The following TGM7 variants were observed in gnomAD, a reference collection of about 807,000 sequenced individuals.
The protein encoded by TGM7 is transglutaminase 7, also known as protein-glutamine gamma-glutamyltransferase Z.
In TGM7, 74 loss-of-function variants were observed where a neutral mutation model predicts 79.5. The observed-to-expected ratio is 0.93, with a 90% CI of 0.77 to 1.13. The LOEUF (loss-of-function observed/expected upper bound fraction) is 1.13. Ranked by LOEUF, TGM7 falls within the 50% of genes most tolerant of loss-of-function variation. The pLI, the probability that TGM7 is intolerant of heterozygous loss-of-function variation, is 0.00. For synonymous variants in TGM7, 354 were observed against 362.5 expected, an observed-to-expected ratio of 0.98 and a Z score of 0.27; for missense variants, 912 against 905.9, an observed-to-expected ratio of 1.01 and a Z score of -0.09.
rs143155861 is a variant in TGM7, at chr15:43,279,739, G to A, written c.1564C>T (p.Arg522Trp). ...CGCACCACCAGTCCGATGGGCCCCCGAGGGTGGGTGCTGTCTGGCACCCTC... is the reference window on the plus strand; with the variant it reads ...CGCACCACCAGTCCGATGGGCCCCCAAGGGTGGGTGCTGTCTGGCACCCTC... ...IQRVPDSTHP[R>W]GPIGLVVRFC... The change falls in exon 10 of 13, where the codon CGG becomes TGG. Residue 522 changes from arginine to tryptophan, a missense_variant. By Grantham distance (101) the Arg-to-Trp change is moderately radical. Coordinates refer to ENST00000452443, the MANE Select transcript of TGM7 (RefSeq NM_052955.3). The A allele has an allele frequency of 8.5e-5, 137 of 1,614,028 alleles. No homozygotes were observed. In the African/African-American group the frequency reaches 1.6e-3, roughly 19 times the overall value.
chr15:43,299,722 C>T (rs949505530), intron 1 of TGM7, among the ~76,000 whole-genome samples: 1 of 152,208 alleles, frequency 6.6e-6, no homozygotes, highest in Non-Finnish European at 1.5e-5. Context: ...AGCTTCTTTT[C>T]TCTTTCCATT....
chr15:43,280,449 C>T (rs1304443093), intron 9 of TGM7, among the ~76,000 whole-genome samples: 1 of 152,160 alleles, frequency 6.6e-6, no homozygotes, highest in African/African-American at 2.4e-5. Flanking sequence ...CATAGTGAAA[C>T]CTCGTCTCTA....
chr15:43,284,304 A>G (rs1302438695), intron 7 of TGM7, among the ~76,000 whole-genome samples: 2 of 151,842 alleles, frequency 1.3e-5, no homozygotes, highest in Non-Finnish European at 2.9e-5. Flanking sequence ...GAACCAGGAA[A>G]AGAAGCCAGA....
chr15:43,282,727 A>G (rs1323670067), intron 7 of TGM7, 107 bp from the exon 8 acceptor site: 5 of 904,206 alleles, frequency 5.5e-6, no homozygotes, highest in African/African-American at 3.3e-5. Flanking sequence ...CTTACTTTTT[A>G]TTAGGAAGTA....
intron 3 of TGM7, among the ~76,000 whole-genome samples, chr15:43,292,309 TC>T (rs2142415739): frequency 6.6e-6 from 1 of 152,294 alleles, no homozygotes; most frequent in South Asian, 2.1e-4. Flanking sequence ...AAACCAACGA[TC>T]TTTTCTTGAT....
intron 1 of TGM7, among the ~76,000 whole-genome samples, chr15:43,300,448 G>A (rs1317162190): frequency 6.6e-6 from 1 of 152,208 alleles, no homozygotes; most frequent in African/African-American, 2.4e-5. Context: ...GGTGGTACTG[G>A]TCTGAAGATT....
At position 43,292,891 on chromosome 15, in the gene TGM7, C is replaced by T. The variant is rs1478263195; in HGVS notation, c.257G>A (p.Gly86Glu). 7 of 1,613,772 alleles carry T rather than the reference C, an allele frequency of 4.3e-6. No homozygotes were observed. The African/African-American group carries it at 8.0e-5, about 18-fold the overall frequency. The change falls in exon 3 of 13, where the codon GGG becomes GAG. Residue 86 changes from glycine (G) to glutamate (E), a missense_variant. Physicochemically the swap from Gly to Glu is moderately conservative, Grantham distance 98. Coordinates refer to ENST00000452443, the MANE Select transcript of TGM7 (RefSeq NM_052955.3). Reference protein sequence around the residue: ...ATFFLTRVQPGNVWSASDFTI... With the variant: ...ATFFLTRVQPENVWSASDFTI... ...GAAATCAGAAGCGCTCCAGACATTCCCGGGCTGGACCCGGGTGAGGAAGAA... is the reference window on the plus strand; with the variant it reads ...GAAATCAGAAGCGCTCCAGACATTCTCGGGCTGGACCCGGGTGAGGAAGAA...
chr15:43,282,585 C>T lies in TGM7; in HGVS notation c.1040G>A (p.Arg347Gln), dbSNP rs745585510. The T allele has an allele frequency of 2.7e-5, 44 of 1,601,896 alleles. No homozygotes were observed. The highest frequency in any genetic ancestry group is 4.5e-5 in the South Asian group (4 of 88,834). ...GTTGTATCCTGGTGGGAGATCTTTC[C>T]GGATCATCCAGCACTCATTCCAGAC... is the stretch of plus-strand genomic sequence containing the variant. ...FHVWNECWMIRKDLPPGYNGW... is the reference protein window; with the variant it reads ...FHVWNECWMIQKDLPPGYNGW... Residue 347 changes from arginine (R) to glutamine (Q), a missense_variant, in exon 8 of 13, where the codon CGG becomes CAG. By Grantham distance (43) the Arg-to-Gln change is conservative. Transcript: ENST00000452443.
At chr15:43,296,988 C>T (rs937451648) in intron 1 of TGM7, among the ~76,000 whole-genome samples, 27 of 152,262 alleles carry the variant, frequency 1.8e-4, no homozygotes, top group African/African-American at 6.5e-4. Context: ...TTAGTAAAAA[C>T]ATGTCAGCAC....
chr15:43,298,978 G>T (rs773816360), intron 1 of TGM7, among the ~76,000 whole-genome samples: 14 of 151,258 alleles, frequency 9.3e-5, no homozygotes, highest in Middle Eastern at 3.4e-3. Flanking sequence ...AACAAAGAGG[G>T]CACCAATAGC....
At position 43,287,359 on chromosome 15, in the gene TGM7, G is replaced by A. The variant is rs142511632; in HGVS notation, c.786C>T (p.Ile262=). The A allele has an allele frequency of 6.2e-7, 1 of 1,614,208 alleles. No individual in the cohort carries two copies. Among genetic ancestry groups the A allele is most frequent in the Non-Finnish European group, 8.5e-7 (1 of 1,180,028 alleles). ...SPLEWKGSVA[I]LQQWSARGGQ... ...CGCCCCTGGCTGACCACTGCTGTAG[G>A]ATGGCCACACTGCCCTTCCACTCCA... The change falls in exon 6 of 13, where the codon ATC becomes ATT. Residue 262 remains isoleucine, a synonymous_variant. Coordinates refer to ENST00000452443, the MANE Select transcript of TGM7 (RefSeq NM_052955.3).
At chr15:43,300,814 T>A (rs944536334) in intron 1 of TGM7, among the ~76,000 whole-genome samples, 6 of 152,066 alleles carry the variant, frequency 3.9e-5, no homozygotes, top group African/African-American at 1.2e-4. Context: ...CAAAAATATA[T>A]GTGTATATAT....
At chr15:43,285,217 G>T (rs1341592722) in intron 6 of TGM7, among the ~76,000 whole-genome samples, 1 of 152,194 alleles carries the variant, frequency 6.6e-6, no homozygotes, top group African/African-American at 2.4e-5. Context: ...TCATTTAGGA[G>T]TCTTTCCACT....
At chr15:43,299,563 T>C (rs1175838336) in intron 1 of TGM7, among the ~76,000 whole-genome samples, 3 of 152,126 alleles carry the variant, frequency 2.0e-5, no homozygotes, top group African/African-American at 7.2e-5. Flanking sequence ...GTCAGGTTAG[T>C]GGTGAGGTTG....
At position 43,292,878 on chromosome 15, in the gene TGM7, G is replaced by A. The variant is rs753185732; in HGVS notation, c.270C>T (p.Ser90=). 12 of 1,613,892 alleles carry A rather than the reference G, an allele frequency of 7.4e-6. No individual in the cohort carries two copies. The East Asian group carries it at 1.3e-4, about 18-fold the overall frequency. ...TGGAGTCAATGGTGAAATCAGAAGC[G>A]CTCCAGACATTCCCGGGCTGGACCC... ...LTRVQPGNVW[S]ASDFTIDSNS... is the part of the protein sequence containing the mutation. The change falls in exon 3 of 13, where the codon AGC becomes AGT. Residue 90 remains serine, a synonymous_variant. Transcript: ENST00000452443.
intron 2 of TGM7, 104 bp from the exon 3 acceptor site, chr15:43,293,058 T>A (rs2042972083): frequency 6.7e-7 from 1 of 1,496,982 alleles, no homozygotes; most frequent in Non-Finnish European, 9.0e-7. Context: ...CACCTGCTAA[T>A]GCTTTTGGCT....
At chr15:43,287,877 C>T (rs2042944037) in intron 4 of TGM7, among the ~76,000 whole-genome samples, 1 of 152,096 alleles carries the variant, frequency 6.6e-6, no homozygotes, top group Admixed American at 6.5e-5. Flanking sequence ...AAACACTAAA[C>T]TGCGTGGTTC....
chr15:43,276,871 A>G lies in TGM7; in HGVS notation c.1964T>C (p.Ile655Thr). 1 of 1,614,108 alleles carries G rather than the reference A, an allele frequency of 6.2e-7. No homozygotes were observed. The highest frequency in any genetic ancestry group is 8.5e-7 in the Non-Finnish European group (1 of 1,179,986). ...LEGSGLINGQ[I>T]AKDLGTLVAG... Reference sequence around the variant, plus strand: ...CAGAAGCGTCACTTACTCCTTTGCTATCTGCCCATTGATGAGGCCGCTTCC... The same window carrying G: ...CAGAAGCGTCACTTACTCCTTTGCTGTCTGCCCATTGATGAGGCCGCTTCC... Residue 655 changes from isoleucine (I) to threonine (T), a missense_variant, in exon 12 of 13, where the codon ATA (isoleucine) becomes ACA (threonine). By Grantham distance (89) the Ile-to-Thr change is moderately conservative (BLOSUM62 -1). Transcript: ENST00000452443.
intron 4 of TGM7, among the ~76,000 whole-genome samples, chr15:43,288,625 T>A (rs982095710): frequency 6.6e-6 from 1 of 152,066 alleles, no homozygotes; most frequent in African/African-American, 2.4e-5. Context: ...TTAAATAATA[T>A]GGTATCTGTA....
Sources: gnomAD v4.1 joint callset for allele counts (sites outside exome capture counted in the v4.1 genomes callset) on GRCh38, gnomAD v4.1.1 for gene constraint, MANE v1.5 for transcripts, NCBI Gene and HGNC (gene_info 2026-07-23, HGNC 2026-07-21) for gene names.